The following PDCD10 variants were observed in gnomAD, a reference collection of about 807,000 sequenced individuals.
PDCD10 encodes the protein programmed cell death protein 10.
In PDCD10, 4 loss-of-function variants were observed where a neutral mutation model predicts 29.2. That is an observed-to-expected ratio of 0.14 (90% CI 0.07 to 0.31). The LOEUF (loss-of-function observed/expected upper bound fraction) is 0.31, where lower values mean the gene tolerates loss of function less well. Ranked by LOEUF, PDCD10 falls within the 10% of genes least tolerant of loss-of-function variation. The probability of loss-of-function intolerance (pLI) is 1.00; values close to 1 mark genes in which losing one functional copy is unlikely to be tolerated. For missense variants in PDCD10, 183 were observed against 257.9 expected, an observed-to-expected ratio of 0.71 and a Z score of 1.99; for synonymous variants, 70 against 82.2, an observed-to-expected ratio of 0.85 and a Z score of 0.80.
rs539936920 is a variant in PDCD10 at position 167,730,833 on chromosome 3, G to A, written c.-117+3381C>T. ...AAGTCTCCAGCTATAAAGCAAATAAGATTAGAAAAGTATTAGAAAAATTTT... is the reference window on the plus strand; with the variant it reads ...AAGTCTCCAGCTATAAAGCAAATAAAATTAGAAAAGTATTAGAAAAATTTT... On this transcript the variant is annotated intron_variant, in intron 2 of 8. Transcript: ENST00000392750. 7 of 152,096 alleles carry A rather than the reference G, an allele frequency of 4.6e-5. No individual in the cohort carries two copies. The East Asian group carries it at 1.4e-3, about 29-fold the overall frequency. The allele number at this position is 152,096 out of a possible 1,614,324, so 9.4% of individuals were successfully genotyped here.
chr3:167,716,443 C>G (rs1723024612), intron 3 of PDCD10, among the ~76,000 whole-genome samples: 1 of 151,840 alleles, frequency 6.6e-6, no homozygotes, highest in African/African-American at 2.4e-5. Context: ...AGGATAAATA[C>G]TTGAGGGGAT....
In PDCD10 at chr3:167,684,215, G is replaced by T; in HGVS notation, c.*93C>A. On this transcript the variant is annotated 3_prime_UTR_variant, in exon 9 of 9. Transcript: ENST00000392750. ...TCCTGGATTAGATCCCTTCAGGAGG[G>T]ACTGATAATTTATACAGTCAAACTT... is the stretch of plus-strand genomic sequence containing the variant. 1 of 756,588 alleles carries T rather than the reference G, an allele frequency of 1.3e-6. No homozygotes were observed. Among genetic ancestry groups the T allele is most frequent in the East Asian group, 2.5e-5 (1 of 39,752 alleles). 46.9% of individuals were successfully genotyped at this position (756,588 alleles called of 1,614,324 possible).
At chr3:167,716,753 A>C (rs1723067120) in intron 3 of PDCD10, among the ~76,000 whole-genome samples, 1 of 152,046 alleles carries the variant, frequency 6.6e-6, no homozygotes, top group Admixed American at 6.6e-5. Flanking sequence ...ACACAGAAGC[A>C]TACTTTTGTG....
At chr3:167,730,459 C>T (rs2108510521) in intron 2 of PDCD10, among the ~76,000 whole-genome samples, 1 of 152,180 alleles carries the variant, frequency 6.6e-6, no homozygotes, top group African/African-American at 2.4e-5. Context: ...ACTGGTTATG[C>T]TAGGTAAATA....
intron 2 of PDCD10, among the ~76,000 whole-genome samples, chr3:167,730,470 T>C (rs1189280344): frequency 6.6e-6 from 1 of 152,194 alleles, no homozygotes; most frequent in African/African-American, 2.4e-5. Context: ...TAGGTAAATA[T>C]GAAAATTTTA....
intron 6 of PDCD10, among the ~76,000 whole-genome samples, chr3:167,692,104 A>T (rs931049046): frequency 1.3e-5 from 2 of 152,246 alleles, no homozygotes; most frequent in African/African-American, 2.4e-5. Context: ...ATCAACAAGT[A>T]CACGATTATC....
intron 4 of PDCD10, among the ~76,000 whole-genome samples, chr3:167,698,704 A>C (rs1721065841): frequency 6.6e-6 from 1 of 152,098 alleles, no homozygotes; most frequent in Admixed American, 6.5e-5. Context: ...TCTAGCAATA[A>C]ATCTTCCTAC....
At position 167,704,381 on chromosome 3, in the gene PDCD10, CCAT is replaced by C. The variant is rs1370015216; in HGVS notation, c.150+458_150+460del. 3.9e-5 allele frequency among the ~76,000 whole-genome samples: 6 copies of C among 152,110 alleles called. No individual in the cohort carries two copies. The East Asian group carries it at 1.2e-3, about 29-fold the overall frequency. On this transcript the variant is annotated intron_variant, in intron 4 of 8. Transcript: ENST00000392750. ...TAGCAAGAATGACAGGCACGCACCA[CCAT>C]GCCTGGCTAATATTTTTATTTTCTG...
intron 8 of PDCD10, 36 bp downstream of exon 8, chr3:167,687,198 T>A: frequency 9.4e-7 from 1 of 1,061,300 alleles, no homozygotes; most frequent in South Asian, 1.3e-5. Context: ...ATAATCTATT[T>A]AATTTTAAAA....
intron 5 of PDCD10, 73 bp downstream of exon 5, chr3:167,696,936 T>C: frequency 1.2e-6 from 1 of 839,006 alleles, no homozygotes; most frequent in Non-Finnish European, 2.1e-6. Flanking sequence ...GATCCTTTGG[T>C]CAAATAATAA....
At chr3:167,710,547 T>C (rs1037665402) in intron 3 of PDCD10, among the ~76,000 whole-genome samples, 2 of 152,196 alleles carry the variant, frequency 1.3e-5, no homozygotes, top group South Asian at 4.1e-4. Context: ...GAAAGAACAC[T>C]AGGTAGATTT....
intron 2 of PDCD10, among the ~76,000 whole-genome samples, chr3:167,728,582 G>A (rs1724461607): frequency 6.6e-6 from 1 of 152,164 alleles, no homozygotes; most frequent in Non-Finnish European, 1.5e-5. Context: ...ACCTAAAATT[G>A]TAAAATGAAC....
intron 4 of PDCD10, among the ~76,000 whole-genome samples, chr3:167,699,883 A>G (rs995623161): frequency 2.0e-5 from 3 of 152,212 alleles, no homozygotes; most frequent in Admixed American, 6.5e-5. Context: ...ATTTGAAAAA[A>G]CTTATAGACA....
Position 167,697,012 on chromosome 3 carries a change from C to T in PDCD10, c.265G>A (p.Glu89Lys). The T allele has an allele frequency of 6.6e-7, 1 of 1,504,244 alleles. No homozygotes were observed. Among genetic ancestry groups the T allele is most frequent in the Non-Finnish European group, 9.3e-7 (1 of 1,079,752 alleles). 93.2% of individuals were successfully genotyped at this position (1,504,244 alleles called of 1,614,324 possible). A position where few individuals can be genotyped will look rare whatever the true frequency, so the allele number is the denominator to read the frequency against. ...SLLRMAADDV[E>K]EYMIERPEPE... ...ACAAGGTTCTTCTGTCCGTTACCTT[C>T]TACATCATCAGCTGCCATACGAAGA... Residue 89 changes from glutamate (E) to lysine (K), a missense_variant, in exon 5 of 9, where the codon GAA (glutamate) becomes AAA (lysine). Coordinates refer to ENST00000392750, the MANE Select transcript of PDCD10 (RefSeq NM_007217.4).
At chr3:167,695,753 C>T in intron 5 of PDCD10, 31 bp from the exon 6 acceptor site, 1 of 1,608,690 alleles carries the variant, frequency 6.2e-7, no homozygotes. Flanking sequence ...TAAAAAACAT[C>T]CTGCGACTCT....
intron 2 of PDCD10, among the ~76,000 whole-genome samples, chr3:167,724,074 A>G (rs1013369098): frequency 2.6e-5 from 4 of 152,202 alleles, no homozygotes; most frequent in Non-Finnish European, 5.9e-5. Flanking sequence ...CTGCTCATTT[A>G]AAGAGCCACA....
intron 6 of PDCD10, among the ~76,000 whole-genome samples, chr3:167,689,608 G>C (rs1034004099): frequency 1.3e-5 from 2 of 151,868 alleles, no homozygotes; most frequent in South Asian, 4.2e-4. Context: ...AAGAAGGGAG[G>C]GTTTTGCTGG....
intron 3 of PDCD10, among the ~76,000 whole-genome samples, chr3:167,718,856 C>T (rs903971832): frequency 6.6e-6 from 1 of 151,852 alleles, no homozygotes; most frequent in African/African-American, 2.4e-5. Flanking sequence ...AATACTAGCC[C>T]TGGACCACTT....
Position 167,704,880 on chromosome 3 carries a change from G to T in PDCD10, c.112C>A (p.Leu38Met). 1.2e-6 allele frequency: 2 copies of T among 1,606,304 alleles called. No individual in the cohort carries two copies. The highest frequency in any genetic ancestry group is 1.7e-6 in the Non-Finnish European group (2 of 1,173,418). Residue 38 changes from leucine to methionine, a missense_variant, in exon 4 of 9, where the codon CTG becomes ATG. Physicochemically the swap from Leu to Met is conservative, Grantham distance 15. Coordinates refer to ENST00000392750, the MANE Select transcript of PDCD10 (RefSeq NM_007217.4). Reference protein sequence around the residue: ...PVFNELERVNLSAAQTLRAAF... With the variant: ...PVFNELERVNMSAAQTLRAAF... ...GCTCTCAGTGTCTGGGCTGCAGACAGATTTACTCGTTCTAGCTGCAATAAA... is the reference window on the plus strand; with the variant it reads ...GCTCTCAGTGTCTGGGCTGCAGACATATTTACTCGTTCTAGCTGCAATAAA...
Sources: allele counts gnomAD v4.1 joint callset (sites outside exome capture counted in the v4.1 genomes callset), GRCh38; gene constraint gnomAD v4.1.1; transcripts MANE v1.5; gene names NCBI Gene and HGNC (gene_info 2026-07-23, HGNC 2026-07-21).